The following MAGED1 variants were observed in gnomAD, a reference collection of about 807,000 sequenced individuals.
MAGED1 encodes melanoma-associated antigen D1.
MAGED1 carries 3 observed loss-of-function variants against 54.1 expected under a neutral mutation model. The observed-to-expected ratio is 0.06, with a 90% CI of 0.03 to 0.14. The LOEUF (loss-of-function observed/expected upper bound fraction) is 0.14. Among genes scored for constraint, MAGED1 ranks in the 10% least tolerant of loss-of-function variants. The pLI is 1.00. For synonymous variants in MAGED1, 217 were observed against 227.3 expected, an observed-to-expected ratio of 0.95 and a Z score of 0.41; for missense variants, 485 against 623.4, an observed-to-expected ratio of 0.78 and a Z score of 2.36.
At chrX:51,808,554 T>G (rs1345151241) in intron 1 of MAGED1, among the ~76,000 whole-genome samples, 1 of 111,123 alleles carries the variant, frequency 9.0e-6, no homozygotes, top group African/African-American at 3.3e-5. Context: ...ACAAAAAATT[T>G]AAAAATTAGC....
chrX:51,894,610 T>A (rs1757734256), intron 2 of MAGED1: 1 of 261,553 alleles, frequency 3.8e-6, no homozygotes, highest in Non-Finnish European at 5.7e-6. Flanking sequence ...TAAGGAACCA[T>A]TTTTTTTTTT....
rs201467061 is a variant in MAGED1, at chrX:51,804,718, GA to G, written c.-37+1608del. On this transcript the variant is annotated intron_variant, in intron 1 of 12. Coordinates refer to the MAGED1 transcript ENST00000375772. ...AAAAAATACATGAAGAAATAAAAAA[GA>G]AAAAAACAAAAAAAGAAATAAATAT... is the stretch of plus-strand genomic sequence containing the variant. Among the ~76,000 whole-genome samples the G allele has an allele frequency of 8.9e-4, 99 of 110,752 alleles. No individual in the cohort carries two copies. In the South Asian group the frequency reaches 0.015, roughly 17 times the overall value.
chrX:51,862,118 C>G (rs1049705521), intron 1 of MAGED1, among the ~76,000 whole-genome samples: 13 of 111,186 alleles, frequency 1.2e-4, no homozygotes, highest in Non-Finnish European at 2.1e-4. Flanking sequence ...CCACTTTATC[C>G]CTAATATTCT....
At chrX:51,818,509 A>G (rs1557356258) in intron 1 of MAGED1, among the ~76,000 whole-genome samples, 2 of 112,090 alleles carry the variant, frequency 1.8e-5, no homozygotes, top group Admixed American at 9.4e-5. Context: ...CTACCTGCAG[A>G]GCCCCTTGAG....
intron 1 of MAGED1, among the ~76,000 whole-genome samples, chrX:51,841,346 G>C (rs1343643759): frequency 9.0e-6 from 1 of 110,691 alleles, no homozygotes; most frequent in Admixed American, 9.6e-5. Flanking sequence ...CCCTTTGTCA[G>C]ATGAGTAGGT....
chrX:51,877,735 A>T (rs782018585), intron 1 of MAGED1, among the ~76,000 whole-genome samples: 2 of 112,281 alleles, frequency 1.8e-5, no homozygotes, highest in African/African-American at 6.4e-5. Context: ...GATAATTGTG[A>T]TAAAACATTA....
At position 51,898,341 on chromosome X, in the gene MAGED1, C is replaced by T. The variant is rs782787568; in HGVS notation, c.1781+14C>T. ...ACTGCGTCCTGGGTATGATTGGGCT[C>T]TCTCATCTCTTGCCTGTTTGTGCCA... is the stretch of plus-strand genomic sequence containing the variant. On this transcript the variant is annotated intron_variant, in intron 9 of 12. Transcript: ENST00000326587. 2.8e-5 allele frequency: 34 copies of T among 1,208,031 alleles called. No individual in the cohort carries two copies. In the East Asian group the frequency reaches 8.6e-4, roughly 31 times the overall value.
At chrX:51,803,233 T>C (rs1241978122) in intron 1 of MAGED1, 2 of 111,151 alleles carry the variant, frequency 1.8e-5, no homozygotes, top group East Asian at 2.8e-4. Context: ...CCCGCGTGCG[T>C]TGTATGAAGG....
intron 1 of MAGED1, among the ~76,000 whole-genome samples, chrX:51,805,489 ATATTT>A (rs1190014369): frequency 9.1e-6 from 1 of 110,310 alleles, no homozygotes; most frequent in Non-Finnish European, 1.9e-5. Flanking sequence ...AATATACAGA[ATATTT>A]TATTATTTTA....
intron 1 of MAGED1, among the ~76,000 whole-genome samples, chrX:51,866,104 A>G (rs914200205): frequency 8.9e-5 from 10 of 112,182 alleles, no homozygotes; most frequent in African/African-American, 3.2e-4. Context: ...AGAACAGACT[A>G]ATATAGAATT....
intron 1 of MAGED1, among the ~76,000 whole-genome samples, chrX:51,819,953 C>A (rs935561499): frequency 4.5e-5 from 5 of 111,757 alleles, no homozygotes; most frequent in African/African-American, 1.6e-4. Flanking sequence ...AATCTTTGAT[C>A]TCTTTTGAGT....
chrX:51,831,144 A>G (rs1926050798), intron 1 of MAGED1, among the ~76,000 whole-genome samples: 2 of 112,227 alleles, frequency 1.8e-5, no homozygotes. Flanking sequence ...GGCGTGAGCC[A>G]CTGCACCCGG....
In MAGED1 at chrX:51,897,559, A is replaced by T; in HGVS notation, c.1499A>T (p.Asp500Val). The change falls in exon 6 of 13, where the codon GAT (aspartate) becomes GTT (valine). Residue 500 changes from aspartate (D) to valine (V), a missense_variant. Physicochemically the swap from Asp to Val is radical, Grantham distance 152. This residue lies in a region of MAGED1 where 186 missense variants were observed against 330.3 expected (regional missense o/e 0.56). Coordinates refer to ENST00000326587, the MANE Select transcript of MAGED1 (RefSeq NM_006986.4). Reference protein sequence around the residue: ...VPIKRSEMLRDIIREYTDVYP... With the variant: ...VPIKRSEMLRVIIREYTDVYP... ...CTCTCTCCTACAGAAATGCTGAGAG[A>T]TATCATCCGTGAATACACTGATGTT... 1 of 1,206,004 alleles carries T rather than the reference A, an allele frequency of 8.3e-7. No homozygotes were observed. Among genetic ancestry groups the T allele is most frequent in the Non-Finnish European group, 1.1e-6 (1 of 891,338 alleles).
At chrX:51,901,969 G>T (rs35860208) in intron 12 of MAGED1, 31 bp downstream of exon 12, 1 of 1,157,490 alleles carries the variant, frequency 8.6e-7, no homozygotes, top group Non-Finnish European at 1.2e-6. Context: ...TGGGCAGTTA[G>T]GGTCTCTGGG....
intron 1 of MAGED1, among the ~76,000 whole-genome samples, chrX:51,818,871 G>A (rs1356403104): frequency 8.9e-6 from 1 of 111,803 alleles, no homozygotes; most frequent in African/African-American, 3.3e-5. Flanking sequence ...TCAAACATAA[G>A]GTCTCACCAA....
chrX:51,812,684 T>C (rs1303805087), intron 1 of MAGED1, among the ~76,000 whole-genome samples: 3 of 111,982 alleles, frequency 2.7e-5, no homozygotes, highest in Non-Finnish European at 3.8e-5. Flanking sequence ...GATGAGTTGT[T>C]TCTACTTTTT....
chrX:51,803,103 G>T (rs781796727), exon 1 of MAGED1: 1 of 111,506 alleles, frequency 9.0e-6, no homozygotes, highest in Non-Finnish European at 1.9e-5. Context: ...CATCGTTGCT[G>T]CCTTCTTCGT....
Position 51,901,927 on chromosome X carries a change from G to A in MAGED1, c.2334G>A (p.Glu778=), listed in dbSNP as rs782541624. 2 of 1,202,901 alleles carry A rather than the reference G, an allele frequency of 1.7e-6. No individual in the cohort carries two copies. The highest frequency in any genetic ancestry group is 1.8e-5 in the South Asian group (1 of 55,160). ...GTGCCATTGGTTTCTTCTGGGTTGA[G>A]TGAGATGTTGGGTAGGTACATCACT... ...NFGAIGFFWV[E] Residue 778 remains glutamate, a synonymous_variant, in exon 12 of 13, where the codon GAG becomes GAA. Transcript: ENST00000326587.
chrX:51,840,113 T>A (rs1926398181), intron 1 of MAGED1, among the ~76,000 whole-genome samples: 2 of 112,177 alleles, frequency 1.8e-5, no homozygotes, highest in Admixed American at 9.4e-5. Flanking sequence ...GAGAATTTAG[T>A]TGTCAGCTAT....
Sources: allele counts gnomAD v4.1 joint callset (sites outside exome capture counted in the v4.1 genomes callset), GRCh38; gene constraint gnomAD v4.1.1; regional missense constraint gnomAD v4.1.1; transcripts MANE v1.5; gene names NCBI Gene and HGNC (gene_info 2026-07-23, HGNC 2026-07-21).